GRIP1: variants seen among roughly 807,000 people sequenced by gnomAD.
The protein encoded by GRIP1 is glutamate receptor-interacting protein 1.
GRIP1 carries 45 observed loss-of-function variants against 129.9 expected under a neutral mutation model. The observed-to-expected ratio is 0.35, with a 90% CI of 0.27 to 0.44. The LOEUF (loss-of-function observed/expected upper bound fraction) is 0.44, where lower values mean the gene tolerates loss of function less well. Ranked by LOEUF, GRIP1 falls within the 20% of genes least tolerant of loss-of-function variation. The pLI is 1.00. For synonymous variants in GRIP1, 530 were observed against 520.8 expected (o/e 1.02, Z -0.24); for missense variants, 1,196 against 1,396.8 (o/e 0.86, Z 2.29).
chr12:66,595,892 G>A lies in GRIP1; in HGVS notation c.136+955C>T, dbSNP rs181015298. 1.1e-4 allele frequency among the ~76,000 whole-genome samples: 16 copies of A among 152,156 alleles called. No individual in the cohort carries two copies. In the East Asian group the frequency reaches 3.1e-3, roughly 29 times the overall value. On this transcript the variant is annotated intron_variant, in intron 2 of 24. Transcript: ENST00000359742. ...ATCATGAAGAGAGTTACTCACAAAT[G>A]GGATTCATCTTGCTCTTTATTCAAA...
chr12:66,680,729 T>C (rs1745130629), upstream of GRIP1, among the ~76,000 whole-genome samples: 1 of 152,146 alleles, frequency 6.6e-6, no homozygotes, highest in Non-Finnish European at 1.5e-5. Flanking sequence ...TTTCCAAGAT[T>C]CTTCTCCAAA....
At chr12:66,450,749 T>C (rs1352473380) in intron 11 of GRIP1, among the ~76,000 whole-genome samples, 2 of 152,168 alleles carry the variant, frequency 1.3e-5, no homozygotes, top group East Asian at 3.8e-4. Flanking sequence ...TTATATGTAT[T>C]GATTAGTTAC....
chr12:66,938,760 CA>C (rs2041531335), intron 1 of GRIP1, among the ~76,000 whole-genome samples: 2 of 152,240 alleles, frequency 1.3e-5, no homozygotes, highest in East Asian at 3.9e-4. Flanking sequence ...AGATCAAGAC[CA>C]TCCTGGCCAA....
At chr12:66,451,698 C>A (rs1460187962) in intron 11 of GRIP1, among the ~76,000 whole-genome samples, 5 of 152,030 alleles carry the variant, frequency 3.3e-5, no homozygotes, top group African/African-American at 1.2e-4. Context: ...ATTATTGATC[C>A]TGTAATCTAA....
At chr12:66,874,446 A>G (rs565120130) in intron 1 of GRIP1, among the ~76,000 whole-genome samples, 1 of 152,126 alleles carries the variant, frequency 6.6e-6, no homozygotes, top group South Asian at 2.1e-4. Flanking sequence ...ATGGTGTATT[A>G]GTCCATTCTT....
At chr12:66,820,591 T>C (rs2039299620) in intron 1 of GRIP1, among the ~76,000 whole-genome samples, 1 of 152,086 alleles carries the variant, frequency 6.6e-6, no homozygotes, top group Non-Finnish European at 1.5e-5. Flanking sequence ...TTGCCAAAAT[T>C]TGGAAGCAAC....
intron 4 of GRIP1, among the ~76,000 whole-genome samples, chr12:66,536,883 T>C (rs1347239145): frequency 6.6e-6 from 1 of 152,102 alleles, no homozygotes; most frequent in Non-Finnish European, 1.5e-5. Flanking sequence ...TCAACCTGAG[T>C]TCTCATTAGT....
chr12:66,803,679 T>C (rs903361239), intron 1 of GRIP1, among the ~76,000 whole-genome samples: 1 of 152,172 alleles, frequency 6.6e-6, no homozygotes, highest in Non-Finnish European at 1.5e-5. Context: ...ACATGAACAA[T>C]TATTTCTTCC....
chr12:66,781,502 A>T (rs2038158337), intron 1 of GRIP1, among the ~76,000 whole-genome samples: 1 of 152,208 alleles, frequency 6.6e-6, no homozygotes, highest in Non-Finnish European at 1.5e-5. Flanking sequence ...ATACCAAAAA[A>T]ATTACCCAAG....
chr12:67,032,776 C>T (rs1026318381), intron 1 of GRIP1, among the ~76,000 whole-genome samples: 10 of 152,092 alleles, frequency 6.6e-5, no homozygotes, highest in African/African-American at 2.4e-4. Flanking sequence ...TCAGAACTGT[C>T]ACATCAAAAT....
chr12:66,562,154 C>T (rs2062557282), intron 2 of GRIP1, among the ~76,000 whole-genome samples: 2 of 152,120 alleles, frequency 1.3e-5, no homozygotes. Context: ...CAAATTACAA[C>T]ATAATGCTTA....
chr12:66,625,796 T>C (rs112849728), intron 1 of GRIP1, among the ~76,000 whole-genome samples: 251 of 152,262 alleles, frequency 1.6e-3, no homozygotes, highest in African/African-American at 5.7e-3. Context: ...TTGATAAAAA[T>C]ATAAATAGAA....
At position 66,736,344 on chromosome 12, in the gene GRIP1, T is replaced by C. The variant is rs537825550; in HGVS notation, c.-420+67709A>G. ...ACAGGTGTGCACCACCGTGCCTGGC[T>C]AATTTTTTTTTTTTTTTTTTTTTTT... On this transcript the variant is annotated intron_variant, in intron 1 of 4. Coordinates refer to the GRIP1 transcript ENST00000538373. Among the ~76,000 whole-genome samples the C allele has an allele frequency of 4.1e-3, 477 of 117,524 alleles. 5 individuals are homozygous for C. Among genetic ancestry groups the C allele is most frequent in the African/African-American group, 0.015 (454 of 29,796 alleles). 77.1% of individuals were successfully genotyped at this position (117,524 alleles called of 152,430 possible).
rs550372322 is a variant in GRIP1, at chr12:66,915,604, G to A, written c.58+153446C>T. Among the ~76,000 whole-genome samples, 4 of 152,350 alleles carry A rather than the reference G, an allele frequency of 2.6e-5. No homozygotes were observed. In the East Asian group the frequency reaches 7.7e-4, roughly 29 times the overall value. On this transcript the variant is annotated intron_variant, in intron 1 of 1. Transcript: ENST00000643019. ...CTGTCATCAGCCACTGCAAATTCCA[G>A]ATTTGGCACAGATCTCCTAACTGTG...
At chr12:66,655,606 C>CT (rs1173143521) in intron 1 of GRIP1, among the ~76,000 whole-genome samples, 2,890 of 118,030 alleles carry the variant, frequency 0.024, 80 homozygotes, top group Non-Finnish European at 0.034. Flanking sequence ...TTTTTTTGTA[C>CT]TTTTTTTTTT....
chr12:66,351,997 C>G (rs903590), intron 24 of GRIP1, among the ~76,000 whole-genome samples: 65,083 of 152,044 alleles, frequency 0.43, 14,345 homozygotes, highest in East Asian at 0.52. Flanking sequence ...CAGGTAAGGC[C>G]TAGGGATTAG....
chr12:66,564,068 G>T, intron 2 of GRIP1: 1 of 136,206 alleles, frequency 7.3e-6, no homozygotes, highest in East Asian at 2.1e-4. Flanking sequence ...TTCCTTTCTT[G>T]GGTTTCTTCT....
chr12:66,914,359 A>G (rs1470190444), intron 1 of GRIP1, among the ~76,000 whole-genome samples: 1 of 152,120 alleles, frequency 6.6e-6, no homozygotes, highest in Non-Finnish European at 1.5e-5. Flanking sequence ...TTATTCATTC[A>G]GGTTGTCTAG....
rs926901524 is a variant in GRIP1 at position 66,719,534 on chromosome 12, A to C, written c.-420+84519T>G. ...GTATCACATTTCAATCCAAATAAAC[A>C]AGATTGTTTCAGGGGAGGACTCAAA... On this transcript the variant is annotated intron_variant, in intron 1 of 4. Transcript: ENST00000538373. 3.3e-5 allele frequency among the ~76,000 whole-genome samples: 5 copies of C among 152,178 alleles called. 1 individual carries two copies. The highest frequency in any genetic ancestry group is 1.2e-4 in the African/African-American group (5 of 41,458).
Sources: gnomAD v4.1 joint callset for allele counts (sites outside exome capture counted in the v4.1 genomes callset) on GRCh38, gnomAD v4.1.1 for gene constraint, MANE v1.5 for transcripts, NCBI Gene and HGNC (gene_info 2026-07-23, HGNC 2026-07-21) for gene names.